TRIO: variants seen among roughly 807,000 people sequenced by gnomAD.
TRIO encodes the protein triple functional domain protein.
In TRIO, 58 loss-of-function variants were observed where a neutral mutation model predicts 351.9. The ratio of observed to expected loss-of-function variants is 0.16; its 90% CI spans 0.13 to 0.21. The LOEUF is 0.21. Among genes scored for constraint, TRIO ranks in the 10% least tolerant of loss-of-function variants. TRIO has a pLI of 1.00. For synonymous variants in TRIO, 1,758 were observed against 1,595.7 expected, an observed-to-expected ratio of 1.10 and a Z score of -2.42; for missense variants, 3,201 against 4,027.8, an observed-to-expected ratio of 0.79 and a Z score of 5.56.
intron 1 of TRIO, among the ~76,000 whole-genome samples, chr5:14,174,161 T>G (rs944515995): frequency 6.6e-6 from 1 of 152,232 alleles, no homozygotes; most frequent in Non-Finnish European, 1.5e-5. Flanking sequence ...GGCTGTAACC[T>G]TCTGTTGCTG....
chr5:14,189,428 G>T (rs1790326658), intron 1 of TRIO, among the ~76,000 whole-genome samples: 1 of 152,214 alleles, frequency 6.6e-6, no homozygotes, highest in Non-Finnish European at 1.5e-5. Flanking sequence ...TAGTATTTCT[G>T]TAGAATTGGA....
At chr5:14,342,934 A>G (rs908999813) in intron 11 of TRIO, among the ~76,000 whole-genome samples, 3 of 152,204 alleles carry the variant, frequency 2.0e-5, no homozygotes, top group Admixed American at 6.5e-5. Context: ...GTTATGCCCA[A>G]ATAAGTCCAT....
intron 33 of TRIO, among the ~76,000 whole-genome samples, chr5:14,407,758 A>G (rs1748850830): frequency 6.6e-6 from 1 of 152,210 alleles, no homozygotes; most frequent in African/African-American, 2.4e-5. Flanking sequence ...AAAATCCCAC[A>G]AAGTAAATTG....
At chr5:14,476,256 C>G (rs1291343881) in intron 40 of TRIO, among the ~76,000 whole-genome samples, 1 of 152,190 alleles carries the variant, frequency 6.6e-6, no homozygotes, top group Non-Finnish European at 1.5e-5. Flanking sequence ...ATTTTTCACT[C>G]ATTATTCAGC....
intron 11 of TRIO, among the ~76,000 whole-genome samples, chr5:14,341,585 TTGAA>T (rs762232240): frequency 1.1e-4 from 16 of 152,274 alleles, no homozygotes; most frequent in African/African-American, 1.4e-4. Context: ...GATTTAGTGA[TTGAA>T]TGAGATTTCC....
chr5:14,336,686 C>T lies in TRIO; in HGVS notation c.2005C>T (p.Leu669=), dbSNP rs771732284. Residue 669 remains leucine, a synonymous_variant, in exon 11 of 57, where the codon CTA becomes TTA. Transcript: ENST00000344204. ...FVRRVEQRKI[L]LDMSVSFHTH... ...TCGGCGTGTTGAGCAGCGAAAGATC[C>T]TACTGGACATGTCAGTGTCCTTTCA... The T allele has an allele frequency of 2.5e-6, 4 of 1,614,216 alleles. No homozygotes were observed. The highest frequency in any genetic ancestry group is 1.1e-5 in the South Asian group (1 of 91,082).
rs115311017 is a variant in TRIO at position 14,346,004 on chromosome 5, C to T, written c.2046+9277C>T. Among the ~76,000 whole-genome samples the T allele has an allele frequency of 9.2e-3, 1,402 of 152,298 alleles. 17 individuals carry two copies. The highest frequency in any genetic ancestry group is 0.032 in the African/African-American group (1,317 of 41,562). ...TATGTATTTTCGTATGTATTTCTGA[C>T]ACATTTGTACTGATCTTCGTTGTTC... On this transcript the variant is annotated intron_variant, in intron 11 of 56. Coordinates refer to ENST00000344204, the MANE Select transcript of TRIO (RefSeq NM_007118.4).
At position 14,508,190 on chromosome 5, in the gene TRIO, A is replaced by G. The variant is rs1244109483; in HGVS notation, c.9062A>G (p.Gln3021Arg). Reference protein sequence around the residue: ...FPDDYFKGVSQKAKEFVCFLL... With the variant: ...FPDDYFKGVSRKAKEFVCFLL... ...GATGACTACTTTAAAGGAGTGAGCC[A>G]GAAGGCCAAGGAGTTCGTGTGCTTC... The change falls in exon 57 of 57, where the codon CAG becomes CGG. Residue 3021 changes from glutamine to arginine, a missense_variant. Physicochemically the swap from Gln to Arg is conservative, Grantham distance 43. Transcript: ENST00000344204. 3.1e-6 allele frequency: 5 copies of G among 1,614,076 alleles called. No individual in the cohort carries two copies. The South Asian group carries it at 4.4e-5, about 14-fold the overall frequency.
intron 19 of TRIO, among the ~76,000 whole-genome samples, chr5:14,375,969 G>A (rs1745524062): frequency 6.6e-6 from 1 of 152,096 alleles, no homozygotes; most frequent in Non-Finnish European, 1.5e-5. Context: ...AGTTGGCAGT[G>A]TCTAAAGGCA....
At position 14,300,793 on chromosome 5, in the gene TRIO, C is replaced by T. The variant is rs78961261; in HGVS notation, c.1368+3530C>T. On this transcript the variant is annotated intron_variant, in intron 7 of 56. Coordinates refer to ENST00000344204, the MANE Select transcript of TRIO (RefSeq NM_007118.4). ...TATGGCTAGGTCTTTCAGTTCCTGA[C>T]ATAATAACAAACTGTTTCACACTTG... is the stretch of plus-strand genomic sequence containing the variant. Among the ~76,000 whole-genome samples, 817 of 152,298 alleles carry T rather than the reference C, an allele frequency of 5.4e-3. 7 individuals are homozygous for T. The highest frequency in any genetic ancestry group is 0.018 in the African/African-American group (767 of 41,560).
intron 1 of TRIO, among the ~76,000 whole-genome samples, chr5:14,157,488 CCT>C (rs1175672951): frequency 7.0e-6 from 1 of 142,838 alleles, no homozygotes; most frequent in Non-Finnish European, 1.5e-5. Flanking sequence ...CCTCTCTCTC[CCT>C]GTCTCCCTCT....
At chr5:14,301,938 G>A (rs1263433648) in intron 7 of TRIO, among the ~76,000 whole-genome samples, 6 of 152,096 alleles carry the variant, frequency 3.9e-5, no homozygotes, top group Non-Finnish European at 8.8e-5. Flanking sequence ...ACCATGGCTA[G>A]GATTATTTCT....
At chr5:14,262,989 TTG>T (rs1319986240) in intron 1 of TRIO, among the ~76,000 whole-genome samples, 1 of 152,214 alleles carries the variant, frequency 6.6e-6, no homozygotes, top group East Asian at 1.9e-4. Flanking sequence ...CATGAATGTT[TTG>T]TGTTTTTGTT....
chr5:14,364,624 C>A (rs1744436003), intron 14 of TRIO, 26 bp from the exon 15 acceptor site: 9 of 1,590,124 alleles, frequency 5.7e-6, no homozygotes, highest in Non-Finnish European at 7.7e-6. Context: ...TAGCTGAATT[C>A]TAGGGTCTCC....
intron 1 of TRIO, among the ~76,000 whole-genome samples, chr5:14,267,140 G>C (rs1305653077): frequency 2.0e-5 from 3 of 152,088 alleles, no homozygotes; most frequent in African/African-American, 7.2e-5. Flanking sequence ...CCCCCAATTT[G>C]GGCCATTTAC....
intron 1 of TRIO, among the ~76,000 whole-genome samples, chr5:14,249,861 C>T (rs1016715488): frequency 6.6e-6 from 1 of 152,138 alleles, no homozygotes; most frequent in Non-Finnish European, 1.5e-5. Flanking sequence ...AAATCACCCA[C>T]CCTCAGAATG....
In TRIO at chr5:14,171,286, T is replaced by C. The variant is rs142688067; in HGVS notation, c.157+27404T>C. Among the ~76,000 whole-genome samples the C allele has an allele frequency of 5.1e-3, 774 of 152,308 alleles. 4 individuals carry two copies. Among genetic ancestry groups the C allele is most frequent in the Admixed American group, 9.6e-3 (147 of 15,304 alleles). On this transcript the variant is annotated intron_variant, in intron 1 of 56. Coordinates refer to ENST00000344204, the MANE Select transcript of TRIO (RefSeq NM_007118.4). ...ATTTTATAATAGTTTGCCAAAAATATCATGCCATTATGAGAAAAACCTGTT... is the reference window on the plus strand; with the variant it reads ...ATTTTATAATAGTTTGCCAAAAATACCATGCCATTATGAGAAAAACCTGTT...
intron 1 of TRIO, 86 bp downstream of exon 1, chr5:14,143,968 C>G (rs1787332043): frequency 8.2e-6 from 8 of 971,076 alleles, no homozygotes; most frequent in Non-Finnish European, 9.9e-6. Flanking sequence ...CTCCGGCCAC[C>G]GCGCGCTGGT....
intron 1 of TRIO, 49 bp from the exon 2 acceptor site, chr5:14,270,776 C>A: frequency 6.8e-7 from 1 of 1,469,640 alleles, no homozygotes. Flanking sequence ...AAGGAATTAA[C>A]TGTCACTCTG....
Sources: gnomAD v4.1 joint callset for allele counts (sites outside exome capture counted in the v4.1 genomes callset) on GRCh38, gnomAD v4.1.1 for gene constraint, MANE v1.5 for transcripts, NCBI Gene and HGNC (gene_info 2026-07-23, HGNC 2026-07-21) for gene names.